Variants in SMAD3 observed in about 807,000 individuals in gnomAD.
SMAD3 encodes MAD homolog 3.
Under a neutral mutation model 51.8 loss-of-function variants are expected in SMAD3, and 12 were observed. That is an observed-to-expected ratio of 0.23 (90% confidence interval 0.15 to 0.38). The LOEUF (loss-of-function observed/expected upper bound fraction) is 0.38. Among genes scored for constraint, SMAD3 ranks in the 10% least tolerant of loss-of-function variants. SMAD3 has a pLI of 1.00. For synonymous variants in SMAD3, 238 were observed against 227.7 expected, an observed-to-expected ratio of 1.05 and a Z score of -0.41; for missense variants, 294 against 565.6, an observed-to-expected ratio of 0.52 and a Z score of 4.87.
chr15:67,165,127 AG>A (rs1383494215), intron 2 of SMAD3, 39 bp downstream of exon 2: 1 of 1,611,432 alleles, frequency 6.2e-7, no homozygotes, highest in Non-Finnish European at 8.5e-7. Flanking sequence ...AGCAGGTGCC[AG>A]GGGTCATCAC....
At chr15:67,076,100 A>G (rs1325140128) in intron 1 of SMAD3, among the ~76,000 whole-genome samples, 1 of 152,184 alleles carries the variant, frequency 6.6e-6, no homozygotes, top group Non-Finnish European at 1.5e-5. Context: ...CTCACAGAGC[A>G]TTCTCCTTTG....
intron 1 of SMAD3, chr15:67,126,022 G>T (rs920658910): frequency 8.2e-6 from 8 of 975,442 alleles, no homozygotes; most frequent in Middle Eastern, 1.0e-3. Flanking sequence ...GGTTAGGTGT[G>T]GGGTATTTGT....
At chr15:67,140,354 C>T (rs898886011) in intron 1 of SMAD3, among the ~76,000 whole-genome samples, 3 of 152,156 alleles carry the variant, frequency 2.0e-5, no homozygotes, top group Non-Finnish European at 4.4e-5. Context: ...GAAATGGTAC[C>T]CAGGAGGTAG....
At chr15:67,113,916 G>A (rs1961079290) in intron 1 of SMAD3, among the ~76,000 whole-genome samples, 1 of 152,194 alleles carries the variant, frequency 6.6e-6, no homozygotes, top group Admixed American at 6.5e-5. Context: ...AATCTTGATT[G>A]AATTCTTTTT....
intron 5 of SMAD3, among the ~76,000 whole-genome samples, chr15:67,181,007 A>AATAAATAG (rs1242121955): frequency 6.6e-6 from 1 of 151,638 alleles, no homozygotes; most frequent in African/African-American, 2.4e-5. Flanking sequence ...TAAATAAATA[A>AATAAATAG]AAAGAGAAAT....
chr15:67,072,337 G>C (rs144475670), intron 1 of SMAD3, among the ~76,000 whole-genome samples: 8 of 152,296 alleles, frequency 5.3e-5, no homozygotes, highest in African/African-American at 1.9e-4. Flanking sequence ...AGACCAAGCA[G>C]GGCTTGCTTC....
chr15:67,181,471 T>TGGCCCCCCCCCCCC lies in SMAD3; in HGVS notation c.871+18_871+19insGGCCCCCCCCCCCC. On this transcript the variant is annotated intron_variant, in intron 6 of 8. Transcript: ENST00000327367. Reference sequence around the variant, plus strand: ...ACACATCGGTATGGGGTGGCTCCATTCCCCGCCCCCCCACCCTGCCCCTGC... The same window carrying TGGCCCCCCCCCCCC: ...ACACATCGGTATGGGGTGGCTCCATTGGCCCCCCCCCCCCCCCCGCCCCCCCACCCTGCCCCTGC... 6.6e-7 allele frequency: 1 copy of TGGCCCCCCCCCCCC among 1,521,086 alleles called. No individual in the cohort carries two copies. Among genetic ancestry groups the TGGCCCCCCCCCCCC allele is most frequent in the Admixed American group, 1.9e-5 (1 of 53,434 alleles). 94.2% of individuals were successfully genotyped at this position (1,521,086 alleles called of 1,614,324 possible). A position where few individuals can be genotyped will look rare whatever the true frequency, so the allele number is the denominator to read the frequency against.
At chr15:67,116,056 C>T (rs893713290) in intron 1 of SMAD3, among the ~76,000 whole-genome samples, 1 of 152,206 alleles carries the variant, frequency 6.6e-6, no homozygotes, top group Non-Finnish European at 1.5e-5. Context: ...GAGAGAAATC[C>T]ACCCGAAGGA....
intron 5 of SMAD3, among the ~76,000 whole-genome samples, chr15:67,180,520 TC>T (rs140889488): frequency 0.023 from 3,493 of 149,562 alleles, 68 homozygotes; most frequent in Non-Finnish European, 0.04. Flanking sequence ...AGGGTTTGTG[TC>T]CGAGCCACCC....
intron 1 of SMAD3, among the ~76,000 whole-genome samples, chr15:67,131,780 C>T (rs971642553): frequency 6.6e-6 from 1 of 152,202 alleles, no homozygotes; most frequent in South Asian, 2.1e-4. Context: ...CTTACCTGGT[C>T]TTCAGTTTTA....
intron 1 of SMAD3, among the ~76,000 whole-genome samples, chr15:67,076,257 TC>T (rs565404844): frequency 1.0e-3 from 155 of 152,240 alleles, no homozygotes; most frequent in Admixed American, 3.1e-3. Context: ...CCCATCACCT[TC>T]TCTATCATTA....
At chr15:67,176,677 AG>A (rs1432805698) in intron 5 of SMAD3, among the ~76,000 whole-genome samples, 1 of 152,236 alleles carries the variant, frequency 6.6e-6, no homozygotes, top group African/African-American at 2.4e-5. Context: ...AGCTTGGAAC[AG>A]GACTGAAAAC....
chr15:67,088,786 G>A (rs958540373), intron 1 of SMAD3, among the ~76,000 whole-genome samples: 1 of 152,182 alleles, frequency 6.6e-6, no homozygotes, highest in African/African-American at 2.4e-5. Flanking sequence ...AATGAGCCAG[G>A]TGTGGTGGCG....
rs149056663 is a variant in SMAD3 at position 67,073,529 on chromosome 15, G to A, written c.206+7169G>A. Among the ~76,000 whole-genome samples the A allele has an allele frequency of 4.6e-5, 7 of 152,272 alleles. No homozygotes were observed. In the East Asian group the frequency reaches 1.3e-3, roughly 29 times the overall value. ...CAGCAGACCTTGGTAGGTTCTAGACGTGGCTCTGTTTCTGATTAGCTGTGT... is the reference window on the plus strand; with the variant it reads ...CAGCAGACCTTGGTAGGTTCTAGACATGGCTCTGTTTCTGATTAGCTGTGT... On this transcript the variant is annotated intron_variant, in intron 1 of 8. Transcript: ENST00000327367.
chr15:67,111,651 T>A (rs373744223), intron 1 of SMAD3, among the ~76,000 whole-genome samples: 3 of 152,232 alleles, frequency 2.0e-5, no homozygotes, highest in East Asian at 1.9e-4. Context: ...CCCATCCTTG[T>A]CAACACTTGT....
In SMAD3 at chr15:67,195,076, T is replaced by A. The variant is rs1016702046; in HGVS notation, c.*4540T>A. 12 of 233,372 alleles carry A rather than the reference T, an allele frequency of 5.1e-5. No homozygotes were observed. Among genetic ancestry groups the A allele is most frequent in the African/African-American group, 2.2e-4 (10 of 45,322 alleles). The allele number at this position is 233,372 out of a possible 1,614,324, so 14.5% of individuals were successfully genotyped here. ...TTATATCTTAAAAGCAGAGCACCTGTTTAAGCATTGTACCCCTATTGTTAA... is the reference window on the plus strand; with the variant it reads ...TTATATCTTAAAAGCAGAGCACCTGATTAAGCATTGTACCCCTATTGTTAA... On this transcript the variant is annotated 3_prime_UTR_variant, in exon 9 of 9. Coordinates refer to ENST00000327367, the MANE Select transcript of SMAD3 (RefSeq NM_005902.4).
At chr15:67,161,644 C>T (rs1020050406) in intron 1 of SMAD3, among the ~76,000 whole-genome samples, 2 of 152,216 alleles carry the variant, frequency 1.3e-5, no homozygotes, top group Non-Finnish European at 2.9e-5. Context: ...CACCACTTCC[C>T]ACTCTCCCTT....
At chr15:67,141,824 C>G (rs1339297525) in intron 1 of SMAD3, among the ~76,000 whole-genome samples, 1 of 152,166 alleles carries the variant, frequency 6.6e-6, no homozygotes, top group East Asian at 1.9e-4. Context: ...CCTCCTGCAG[C>G]TGAACTTGGG....
chr15:67,066,133 C>G lies in SMAD3; in HGVS notation c.-22C>G, dbSNP rs758575599. 1.2e-5 allele frequency: 18 copies of G among 1,559,014 alleles called. No homozygotes were observed. The South Asian group carries it at 2.0e-4, about 17-fold the overall frequency. On this transcript the variant is annotated 5_prime_UTR_variant, in exon 1 of 9. Coordinates refer to ENST00000327367, the MANE Select transcript of SMAD3 (RefSeq NM_005902.4). ...CAGCCCCGCCGGGGGCGCTCCTCGC[C>G]GCCCGCGCGCCCTCCCCAGCCATGT...
Sources: allele counts gnomAD v4.1 joint callset (sites outside exome capture counted in the v4.1 genomes callset), GRCh38; gene constraint gnomAD v4.1.1; transcripts MANE v1.5; gene names NCBI Gene and HGNC (gene_info 2026-07-23, HGNC 2026-07-21).